The following MARCHF1 variants were observed in gnomAD, a reference collection of about 807,000 sequenced individuals.
MARCHF1 encodes E3 ubiquitin-protein ligase MARCHF1.
In MARCHF1, 40 loss-of-function variants were observed where a neutral mutation model predicts 54.2. The observed-to-expected ratio is 0.74, with a 90% CI of 0.57 to 0.96. The LOEUF (loss-of-function observed/expected upper bound fraction) is 0.96. Among genes scored for constraint, MARCHF1 ranks in the 40% least tolerant of loss-of-function variants. MARCHF1 has a pLI of 0.00. For missense variants in MARCHF1, 586 were observed against 656.5 expected, an observed-to-expected ratio of 0.89 and a Z score of 1.17; for synonymous variants, 236 against 236.3, an observed-to-expected ratio of 1.00 and a Z score of 0.01.
intron 3 of MARCHF1, among the ~76,000 whole-genome samples, chr4:163,987,819 C>A (rs186453375): frequency 1.3e-5 from 2 of 152,320 alleles, no homozygotes. Context: ...TATGATCTTT[C>A]AAGCAGTTTA....
intron 4 of MARCHF1, among the ~76,000 whole-genome samples, chr4:163,825,325 T>C (rs1748818077): frequency 6.6e-6 from 1 of 152,090 alleles, no homozygotes; most frequent in African/African-American, 2.4e-5. Flanking sequence ...TACACCATTT[T>C]CTTTAACCAG....
At chr4:164,333,631 T>G (rs200239364) in intron 1 of MARCHF1, among the ~76,000 whole-genome samples, 2 of 152,306 alleles carry the variant, frequency 1.3e-5, no homozygotes, top group East Asian at 1.9e-4. Context: ...CTCCTCGGAC[T>G]TCCCTATTTC....
chr4:163,692,928 T>A (rs1352657745), intron 5 of MARCHF1, among the ~76,000 whole-genome samples: 1 of 151,428 alleles, frequency 6.6e-6, no homozygotes, highest in Admixed American at 6.6e-5. Flanking sequence ...AGGCTATTAA[T>A]CCACGAATGT....
At chr4:164,152,529 C>T (rs1729968876) in intron 1 of MARCHF1, among the ~76,000 whole-genome samples, 1 of 152,018 alleles carries the variant, frequency 6.6e-6, no homozygotes, top group African/African-American at 2.4e-5. Context: ...AATATTTAAC[C>T]CCAAAATACA....
intron 2 of MARCHF1, among the ~76,000 whole-genome samples, chr4:164,035,751 A>G (rs1753980731): frequency 6.6e-6 from 1 of 151,670 alleles, no homozygotes; most frequent in Non-Finnish European, 1.5e-5. Context: ...AGTAAACTTT[A>G]CATAGATTAA....
intron 1 of MARCHF1, among the ~76,000 whole-genome samples, chr4:164,346,540 G>C (rs1730102986): frequency 6.8e-6 from 1 of 146,880 alleles, no homozygotes; most frequent in African/African-American, 2.5e-5. Context: ...GGTATCTGTA[G>C]TACCAAACCC....
At chr4:164,197,705 T>A in intron 1 of MARCHF1, 2 of 1,611,998 alleles carry the variant, frequency 1.2e-6, no homozygotes, top group Non-Finnish European at 1.7e-6. Flanking sequence ...CGTCTGCCCA[T>A]CTCCATCTCT....
At chr4:163,978,731 GTTGTTT>G (rs1752699335) in intron 3 of MARCHF1, among the ~76,000 whole-genome samples, 1 of 151,666 alleles carries the variant, frequency 6.6e-6, no homozygotes, top group African/African-American at 2.4e-5. Context: ...TGTTGTTGTT[GTTGTTT>G]TTGTTTTATT....
intron 4 of MARCHF1, among the ~76,000 whole-genome samples, chr4:163,741,202 T>G (rs1245643957): frequency 1.3e-5 from 2 of 152,200 alleles, no homozygotes; most frequent in Non-Finnish European, 2.9e-5. Context: ...GGGGCTAAAT[T>G]TGGAACACTG....
At chr4:164,027,444 C>T (rs867344171) in intron 2 of MARCHF1, among the ~76,000 whole-genome samples, 3 of 131,858 alleles carry the variant, frequency 2.3e-5, no homozygotes, top group Non-Finnish European at 3.2e-5. Flanking sequence ...CAGAAATAAT[C>T]CTGCTCACCT....
At chr4:163,859,041 A>G (rs924193446) in intron 3 of MARCHF1, among the ~76,000 whole-genome samples, 1 of 152,188 alleles carries the variant, frequency 6.6e-6, no homozygotes, top group Admixed American at 6.6e-5. Context: ...CAACTGAAAT[A>G]GAATCCAATA....
rs1003744696 is a variant in MARCHF1, at chr4:164,290,715, A to G, written c.-323+93155T>C. ...AAGAGGGAAATACTTTCAAATAGTA[A>G]AAATCATTTGAAAAGTATTCATACT... is the stretch of plus-strand genomic sequence containing the variant. On this transcript the variant is annotated intron_variant, in intron 1 of 9. Coordinates refer to ENST00000514618, the MANE Select transcript of MARCHF1 (RefSeq NM_001394959.1). 3.4e-4 allele frequency among the ~76,000 whole-genome samples: 52 copies of G among 152,130 alleles called. 1 individual carries two copies. The highest frequency in any genetic ancestry group is 2.4e-3 in the Admixed American group (36 of 15,266).
At chr4:164,051,414 G>A (rs1200149426) in intron 2 of MARCHF1, among the ~76,000 whole-genome samples, 1 of 152,162 alleles carries the variant, frequency 6.6e-6, no homozygotes, top group South Asian at 2.1e-4. Flanking sequence ...GTGTCTGTGT[G>A]TGTGTGTTTA....
At chr4:164,096,304 C>G (rs544138096) in intron 2 of MARCHF1, among the ~76,000 whole-genome samples, 1 of 152,170 alleles carries the variant, frequency 6.6e-6, no homozygotes, top group East Asian at 1.9e-4. Flanking sequence ...CCTAAGCAAA[C>G]TAACACAGAA....
Position 163,934,336 on chromosome 4 carries a change from A to AT in MARCHF1, c.-39+54164dup, listed in dbSNP as rs565635369. On this transcript the variant is annotated intron_variant, in intron 3 of 9. Transcript: ENST00000514618. ...AGCAACTCCTGGCTGAGGCAGGAGG[A>AT]TTGCTTGAGGCCAGTAGTTTCAGAC... Among the ~76,000 whole-genome samples the AT allele has an allele frequency of 2.5e-3, 380 of 152,132 alleles. 2 individuals carry two copies. The highest frequency in any genetic ancestry group is 9.6e-3 in the Admixed American group (147 of 15,268).
chr4:163,900,358 A>AAAC, intron 3 of MARCHF1, among the ~76,000 whole-genome samples: 1 of 150,716 alleles, frequency 6.6e-6, no homozygotes, highest in South Asian at 2.1e-4. Context: ...TTTTAAAAAA[A>AAAC]CTCTCCAATG....
chr4:163,910,394 C>T (rs1751164160), intron 3 of MARCHF1, among the ~76,000 whole-genome samples: 1 of 152,152 alleles, frequency 6.6e-6, no homozygotes, highest in African/African-American at 2.4e-5. Context: ...AACATTTTCT[C>T]AAAGCTATGT....
In MARCHF1 at chr4:163,829,560, C is replaced by T. The variant is rs548997186; in HGVS notation, c.111+24461G>A. ...AATCTCCTTACTGCTCTTTCAGCAC[C>T]ACACAGTATCCCTCTCCCTGAATTT... On this transcript the variant is annotated intron_variant, in intron 4 of 9. Transcript: ENST00000514618. Among the ~76,000 whole-genome samples, 7 of 152,228 alleles carry T rather than the reference C, an allele frequency of 4.6e-5. 1 individual carries two copies. The highest frequency in any genetic ancestry group is 2.6e-4 in the Admixed American group (4 of 15,288).
intron 7 of MARCHF1, among the ~76,000 whole-genome samples, chr4:163,611,057 C>T (rs1741323637): frequency 6.6e-6 from 1 of 151,986 alleles, no homozygotes; most frequent in Non-Finnish European, 1.5e-5. Context: ...TTGCCATGTG[C>T]TTTCATAGTT....
Sources: allele counts gnomAD v4.1 joint callset (sites outside exome capture counted in the v4.1 genomes callset), GRCh38; gene constraint gnomAD v4.1.1; transcripts MANE v1.5; gene names NCBI Gene and HGNC (gene_info 2026-07-23, HGNC 2026-07-21).